Variants in BRIP1 observed in about 807,000 individuals in gnomAD.
The protein encoded by BRIP1 is BRCA1 interacting DNA helicase 1.
Under a neutral mutation model 119.7 loss-of-function variants are expected in BRIP1, and 88 were observed. The observed-to-expected ratio is 0.74, with a 90% CI of 0.62 to 0.88. The LOEUF (loss-of-function observed/expected upper bound fraction) is 0.88. Among genes scored for constraint, BRIP1 ranks in the 40% least tolerant of loss-of-function variants. BRIP1 has a pLI of 0.00. For synonymous variants in BRIP1, 443 were observed against 496.5 expected, an observed-to-expected ratio of 0.89 and a Z score of 1.43; for missense variants, 1,259 against 1,455.4, an observed-to-expected ratio of 0.87 and a Z score of 2.20.
At position 61,828,869 on chromosome 17, in the gene BRIP1, C is replaced by A. The variant is rs2078448217; in HGVS notation, c.627+18232G>T. On this transcript the variant is annotated intron_variant, in intron 6 of 19. Transcript: ENST00000259008. The surrounding 1 kb of genome is among the most constrained non-coding windows in gnomAD (Gnocchi z 4.1). ...GAGAGTAGACACGGAAGTATATTGGCAGAAGGTTCTTACACATTATTTGTG... is the reference window on the plus strand; with the variant it reads ...GAGAGTAGACACGGAAGTATATTGGAAGAAGGTTCTTACACATTATTTGTG... Among the ~76,000 whole-genome samples the A allele has an allele frequency of 6.6e-6, 1 of 152,078 alleles. No individual in the cohort carries two copies. The highest frequency in any genetic ancestry group is 2.4e-5 in the African/African-American group (1 of 41,422).
Position 61,710,870 on chromosome 17 carries a change from G to A in BRIP1, c.2492+5081C>T, listed in dbSNP as rs1270194545. On this transcript the variant is annotated intron_variant, in intron 17 of 19. Coordinates refer to ENST00000259008, the MANE Select transcript of BRIP1 (RefSeq NM_032043.3). This position sits in a 1 kb window ranked among gnomAD's most constrained non-coding sequence, Gnocchi z 5.4. ...AGCCTGTCCATCATGGTGAAACCCCGTCTCTACTAAAAATATAAAAATTAG... is the reference window on the plus strand; with the variant it reads ...AGCCTGTCCATCATGGTGAAACCCCATCTCTACTAAAAATATAAAAATTAG... Among the ~76,000 whole-genome samples the A allele has an allele frequency of 4.0e-5, 6 of 151,708 alleles. No individual in the cohort carries two copies. The highest frequency in any genetic ancestry group is 1.9e-4 in the East Asian group (1 of 5,184).
intron 5 of BRIP1, among the ~76,000 whole-genome samples, chr17:61,847,854 G>A (rs1162747048): frequency 1.3e-5 from 2 of 151,960 alleles, no homozygotes; most frequent in African/African-American, 4.8e-5. Context: ...TCTCATTCCC[G>A]CCAAAAATGA....
chr17:61,730,427 C>T lies in BRIP1; in HGVS notation c.2379+12586G>A, dbSNP rs187539842. Among the ~76,000 whole-genome samples, 4 of 152,266 alleles carry T rather than the reference C, an allele frequency of 2.6e-5. No homozygotes were observed. The highest frequency in any genetic ancestry group is 1.5e-5 in the Non-Finnish European group (1 of 68,022). On this transcript the variant is annotated intron_variant, in intron 16 of 19. Transcript: ENST00000259008. The surrounding 1 kb of genome is among the most constrained non-coding windows in gnomAD (Gnocchi z 4.3). The stretch of plus-strand genomic sequence containing the variant: ...AAGCTAAAAAACAATCCCACCACTG[C>T]CCTTAAGGTAGAGCTGCTGATTATG...
intron 10 of BRIP1, among the ~76,000 whole-genome samples, chr17:61,786,991 TTTATAAATA>T (rs1193148032): frequency 1.1e-5 from 1 of 93,910 alleles, no homozygotes; most frequent in Non-Finnish European, 1.9e-5. Flanking sequence ...TTTATATAAA[TTTATAAATA>T]ATTTTATAAA....
At chr17:61,771,420 A>C (rs552524504) in intron 14 of BRIP1, among the ~76,000 whole-genome samples, 7 of 152,360 alleles carry the variant, frequency 4.6e-5, no homozygotes, top group South Asian at 2.1e-4. Context: ...CATTTCTCTA[A>C]AGAAGATGTC....
At chr17:61,785,728 C>CCTTAT (rs2077695148) in intron 10 of BRIP1, among the ~76,000 whole-genome samples, 1 of 152,212 alleles carries the variant, frequency 6.6e-6, no homozygotes, top group South Asian at 2.1e-4. Context: ...CTCAGCAACA[C>CCTTAT]CTTATATCAA....
chr17:61,837,288 A>G (rs1469312865), intron 6 of BRIP1, among the ~76,000 whole-genome samples: 2 of 152,166 alleles, frequency 1.3e-5, no homozygotes, highest in Non-Finnish European at 2.9e-5. Context: ...AATTAAAACC[A>G]TAAAGTAAAA....
rs1268503752 is a variant in BRIP1 at position 61,778,327 on chromosome 17, GA to G, written c.1936-1766del. On this transcript the variant is annotated intron_variant, in intron 13 of 19. Coordinates refer to ENST00000259008, the MANE Select transcript of BRIP1 (RefSeq NM_032043.3). The surrounding 1 kb of genome is among the most constrained non-coding windows in gnomAD (Gnocchi z 4.4). ...AGCAGAATGGTAGTTACCAGGAGCTGAGGAGAGGGGGAGAATAGAGAGCTGT... is the reference window on the plus strand; with the variant it reads ...AGCAGAATGGTAGTTACCAGGAGCTGGGAGAGGGGGAGAATAGAGAGCTGT... Among the ~76,000 whole-genome samples, 11 of 152,136 alleles carry G rather than the reference GA, an allele frequency of 7.2e-5. No homozygotes were observed.
intron 10 of BRIP1, among the ~76,000 whole-genome samples, chr17:61,791,781 G>A (rs1443402012): frequency 6.6e-6 from 1 of 152,084 alleles, no homozygotes; most frequent in Non-Finnish European, 1.5e-5. Context: ...TGAGAATATA[G>A]TGAGTGATTA....
Position 61,769,523 on chromosome 17 carries a change from TATA to T in BRIP1, c.2097+6875_2097+6877del, listed in dbSNP as rs1427339136. ...ATTGACAACGGTACTGACAAAAGAT[TATA>T]ATAATGTGCTAGTTTGCTCTTATGA... On this transcript the variant is annotated intron_variant, in intron 14 of 19. Coordinates refer to ENST00000259008, the MANE Select transcript of BRIP1 (RefSeq NM_032043.3). This position sits in a 1 kb window ranked among gnomAD's most constrained non-coding sequence, Gnocchi z 4.9. 6.6e-6 allele frequency among the ~76,000 whole-genome samples: 1 copy of T among 152,206 alleles called. No individual in the cohort carries two copies. Among genetic ancestry groups the T allele is most frequent in the Admixed American group, 6.5e-5 (1 of 15,276 alleles).
At position 61,700,517 on chromosome 17, in the gene BRIP1, A is replaced by G. The variant is rs1034268935; in HGVS notation, c.2493-7005T>C. On this transcript the variant is annotated intron_variant, in intron 17 of 19. Transcript: ENST00000259008. The surrounding 1 kb of genome is among the most constrained non-coding windows in gnomAD (Gnocchi z 4.1). ...TTCTTTCAGCACTTTGAACATGTCA[A>G]TTAACTGCTTCCTGGTCTGGAGGAT... Among the ~76,000 whole-genome samples the G allele has an allele frequency of 6.6e-6, 1 of 152,134 alleles. No homozygotes were observed. The highest frequency in any genetic ancestry group is 1.5e-5 in the Non-Finnish European group (1 of 68,016).
rs779627397 is a variant in BRIP1 at position 61,801,421 on chromosome 17, T to A, written c.972A>T (p.Thr324=). 26 of 1,613,880 alleles carry A rather than the reference T, an allele frequency of 1.6e-5. No individual in the cohort carries two copies. In the East Asian group the frequency reaches 5.6e-4, roughly 35 times the overall value. The change falls in exon 8 of 20, where the codon ACA becomes ACT. Residue 324 remains threonine, a synonymous_variant. Coordinates refer to ENST00000259008, the MANE Select transcript of BRIP1 (RefSeq NM_032043.3). The part of the protein sequence containing the change: ...HGVHKISDQH[T]LQTFQGMCKA... ...TGCACATCCCTTGGAAAGTCTGTAA[T>A]GTGTGCTGATCACTAATTTTATGAA...
chr17:61,859,049 CAAAA>C (rs34782273), intron 3 of BRIP1, among the ~76,000 whole-genome samples: 8 of 45,124 alleles, frequency 1.8e-4, no homozygotes, highest in Admixed American at 2.4e-4. Flanking sequence ...TGACGCCACT[CAAAA>C]AAAAAAAAAA....
rs1349325194 is a variant in BRIP1, at chr17:61,809,432, T to C, written c.628-675A>G. On this transcript the variant is annotated intron_variant, in intron 6 of 19. Coordinates refer to ENST00000259008, the MANE Select transcript of BRIP1 (RefSeq NM_032043.3). This position sits in a 1 kb window ranked among gnomAD's most constrained non-coding sequence, Gnocchi z 5.2. ...AGTAAAATTATCATCCAGGGTAGTTTTTCCTGGACAATTTCACTTGTAACT... is the reference window on the plus strand; with the variant it reads ...AGTAAAATTATCATCCAGGGTAGTTCTTCCTGGACAATTTCACTTGTAACT... 1.3e-5 allele frequency among the ~76,000 whole-genome samples: 2 copies of C among 152,170 alleles called. No homozygotes were observed. The highest frequency in any genetic ancestry group is 1.3e-4 in the Admixed American group (2 of 15,268).
rs1023941722 is a variant in BRIP1 at position 61,734,972 on chromosome 17, A to T, written c.2379+8041T>A. On this transcript the variant is annotated intron_variant, in intron 16 of 19. Transcript: ENST00000259008. The surrounding 1 kb of genome is among the most constrained non-coding windows in gnomAD (Gnocchi z 5.2). Reference sequence around the variant, plus strand: ...GGTTGTTTCGTTTCTATAAGGTAGAACATTTAAATTTTTATTTACTAAATA... The same window carrying T: ...GGTTGTTTCGTTTCTATAAGGTAGATCATTTAAATTTTTATTTACTAAATA... Among the ~76,000 whole-genome samples the T allele has an allele frequency of 6.6e-6, 1 of 152,228 alleles. No individual in the cohort carries two copies. The highest frequency in any genetic ancestry group is 2.4e-5 in the African/African-American group (1 of 41,462).
intron 16 of BRIP1, among the ~76,000 whole-genome samples, chr17:61,728,512 T>G (rs888356543): frequency 6.6e-6 from 1 of 152,104 alleles, no homozygotes; most frequent in Admixed American, 6.6e-5. Context: ...AAAGAGAAAG[T>G]TCAAACCAAC....
chr17:61,696,520 A>T (rs960950701), intron 17 of BRIP1, among the ~76,000 whole-genome samples: 4 of 152,112 alleles, frequency 2.6e-5, no homozygotes, highest in Non-Finnish European at 5.9e-5. Flanking sequence ...TTAATGAAAG[A>T]TTAATGCAAA....
At position 61,806,147 on chromosome 17, in the gene BRIP1, G is replaced by A. The variant is rs540483801; in HGVS notation, c.918+2320C>T. On this transcript the variant is annotated intron_variant, in intron 7 of 19. Transcript: ENST00000259008. This position sits in a 1 kb window ranked among gnomAD's most constrained non-coding sequence, Gnocchi z 4.9. ...GCAGGCTGACAGCAAAACCAGAAAA[G>A]CTCATCCATTTTAGCAGTGTAACAC... Among the ~76,000 whole-genome samples the A allele has an allele frequency of 3.3e-5, 5 of 152,308 alleles. No homozygotes were observed. The South Asian group carries it at 8.3e-4, about 25-fold the overall frequency.
In BRIP1 at chr17:61,798,934, C is replaced by T. The variant is rs1359806722; in HGVS notation, c.1340+166G>A. 1.3e-5 allele frequency among the ~76,000 whole-genome samples: 2 copies of T among 152,018 alleles called. No individual in the cohort carries two copies. Among genetic ancestry groups the T allele is most frequent in the Non-Finnish European group, 2.9e-5 (2 of 67,964 alleles). ...GTTCATTATATTCTTGTGAACAAGACAAAAGGTTGGACTAGCCTTGTTTTT... is the reference window on the plus strand; with the variant it reads ...GTTCATTATATTCTTGTGAACAAGATAAAAGGTTGGACTAGCCTTGTTTTT... On this transcript the variant is annotated intron_variant, in intron 9 of 19. Transcript: ENST00000259008. This position sits in a 1 kb window ranked among gnomAD's most constrained non-coding sequence, Gnocchi z 5.5.
Sources: gnomAD v4.1 joint callset for allele counts (sites outside exome capture counted in the v4.1 genomes callset) on GRCh38, gnomAD v4.1.1 for gene constraint, Gnocchi (gnomAD v3.1) non-coding constraint, MANE v1.5 for transcripts, NCBI Gene and HGNC (gene_info 2026-07-23, HGNC 2026-07-21) for gene names.